FAAH2: variants seen among roughly 807,000 people sequenced by gnomAD.
FAAH2 encodes fatty-acid amide hydrolase 2.
FAAH2 carries 60 observed loss-of-function variants against 36.9 expected under a neutral mutation model. The observed-to-expected ratio is 1.63, with a 90% CI of 1.32 to 2.02. The LOEUF is 2.02. Among genes scored for constraint, FAAH2 ranks in the 30% most tolerant of loss-of-function variants. The pLI is 0.00. For missense variants in FAAH2, 689 were observed against 397.5 expected (o/e 1.73, Z -6.23); for synonymous variants, 214 against 143.8 (o/e 1.49, Z -3.49).
At chrX:57,427,370 G>A (rs1262675486) in intron 7 of FAAH2, among the ~76,000 whole-genome samples, 1 of 110,872 alleles carries the variant, frequency 9.0e-6, no homozygotes, top group African/African-American at 3.3e-5. Flanking sequence ...AATCAATATG[G>A]AAGGGATTAT....
the FAAH2 span, among the ~76,000 whole-genome samples, chrX:57,232,967 A>G: frequency 8.9e-6 from 1 of 112,444 alleles, no homozygotes; most frequent in African/African-American, 3.2e-5. Context: ...AAACAAAAAC[A>G]TCACTGAAGT....
the FAAH2 span, among the ~76,000 whole-genome samples, chrX:57,233,316 A>G: frequency 8.9e-6 from 1 of 111,812 alleles, no homozygotes; most frequent in Non-Finnish European, 1.9e-5. Flanking sequence ...AATACCCGCC[A>G]TGAGCTGCTT....
At chrX:57,364,528 A>C (rs2054365991) in intron 5 of FAAH2, among the ~76,000 whole-genome samples, 1 of 88,863 alleles carries the variant, frequency 1.1e-5, no homozygotes, top group Non-Finnish European at 2.2e-5. Context: ...GATTTTGTTG[A>C]TCTTTTGTAT....
intron 10 of FAAH2, among the ~76,000 whole-genome samples, chrX:57,472,546 A>T: frequency 8.9e-6 from 1 of 111,741 alleles, no homozygotes; most frequent in Non-Finnish European, 1.9e-5. Context: ...CCTCAGTAGG[A>T]TGACACCAGA....
intron 10 of FAAH2, among the ~76,000 whole-genome samples, chrX:57,463,913 A>G (rs745640525): frequency 4.5e-5 from 5 of 112,116 alleles, no homozygotes; most frequent in African/African-American, 1.6e-4. Context: ...GAATATACCC[A>G]AAGGATTACA....
At chrX:57,155,271 G>A in the FAAH2 span, among the ~76,000 whole-genome samples, 1 of 111,632 alleles carries the variant, frequency 9.0e-6, no homozygotes, top group Non-Finnish European at 1.9e-5. Flanking sequence ...GGTGGGTAGG[G>A]AAGGACCATC....
At chrX:57,303,490 G>C (rs1037257903) in intron 2 of FAAH2, among the ~76,000 whole-genome samples, 5 of 112,133 alleles carry the variant, frequency 4.5e-5, no homozygotes, top group African/African-American at 1.3e-4. Context: ...GATAGTGATA[G>C]CCACCATTTA....
At chrX:57,200,410 C>T in the FAAH2 span, among the ~76,000 whole-genome samples, 1 of 100,534 alleles carries the variant, frequency 9.9e-6, no homozygotes, top group Non-Finnish European at 2.0e-5. Context: ...GACAGAATCT[C>T]GTTCTGTCAC....
intron 7 of FAAH2, among the ~76,000 whole-genome samples, chrX:57,407,144 C>G (rs1204665375): frequency 2.7e-5 from 3 of 112,207 alleles, no homozygotes; most frequent in African/African-American, 9.7e-5. Context: ...TCCTGCAGTT[C>G]CCTAAGGATC....
At chrX:57,382,066 T>A (rs761025139) in intron 7 of FAAH2, among the ~76,000 whole-genome samples, 3 of 111,675 alleles carry the variant, frequency 2.7e-5, no homozygotes, top group Non-Finnish European at 5.6e-5. Flanking sequence ...AACCTGCTCC[T>A]GAATCACTAC....
intron 2 of FAAH2, among the ~76,000 whole-genome samples, chrX:57,299,796 T>C (rs1254349907): frequency 8.9e-6 from 1 of 111,767 alleles, no homozygotes; most frequent in Non-Finnish European, 1.9e-5. Context: ...ATCACAAGCA[T>C]TCTTATACAC....
At chrX:57,181,452 C>T in the FAAH2 span, among the ~76,000 whole-genome samples, 1 of 110,759 alleles carries the variant, frequency 9.0e-6, no homozygotes, top group African/African-American at 3.3e-5. Context: ...AACAGCCAAG[C>T]CAAGAACCAA....
chrX:57,194,876 G>T, the FAAH2 span, among the ~76,000 whole-genome samples: 1 of 111,360 alleles, frequency 9.0e-6, no homozygotes, highest in Non-Finnish European at 1.9e-5. Context: ...TAGAATAATA[G>T]TCTCCAGCTC....
At chrX:57,313,853 A>G (rs1363294217) in intron 3 of FAAH2, among the ~76,000 whole-genome samples, 1 of 111,535 alleles carries the variant, frequency 9.0e-6, no homozygotes, top group African/African-American at 3.3e-5. Flanking sequence ...AGTCAAGTCT[A>G]TATAACAAAC....
the FAAH2 span, among the ~76,000 whole-genome samples, chrX:57,267,829 G>C: frequency 9.0e-6 from 1 of 111,299 alleles, no homozygotes; most frequent in Non-Finnish European, 1.9e-5. Context: ...TATCAAATAG[G>C]ATAAAAGAAA....
Position 57,315,994 on chromosome X carries a change from A to G in FAAH2, c.412+5265A>G, listed in dbSNP as rs141986022. ...CTGTTGATGATATGATCTTATGCTT[A>G]GAAAATCCTAAAGACTCCATCAAAA... On this transcript the variant is annotated intron_variant, in intron 3 of 10. Transcript: ENST00000374900. Among the ~76,000 whole-genome samples the G allele has an allele frequency of 4.2e-3, 472 of 112,004 alleles. 2 individuals carry two copies. The highest frequency in any genetic ancestry group is 9.2e-3 in the Middle Eastern group (2 of 217).
intron 8 of FAAH2, 110 bp downstream of exon 8, chrX:57,432,147 T>G: frequency 1.6e-6 from 1 of 636,411 alleles, no homozygotes; most frequent in Non-Finnish European, 2.3e-6. Flanking sequence ...ATGAAAAAAA[T>G]AAGTAAAATA....
In FAAH2 at chrX:57,410,123, A is replaced by G. The variant is rs184694871; in HGVS notation, c.997-21795A>G. Among the ~76,000 whole-genome samples, 58 of 107,689 alleles carry G rather than the reference A, an allele frequency of 5.4e-4. No individual in the cohort carries two copies. The East Asian group carries it at 8.6e-3, about 16-fold the overall frequency. 93.5% of individuals were successfully genotyped at this position (107,689 alleles called of 115,157 possible). A position where few individuals can be genotyped will look rare whatever the true frequency, so the allele number is the denominator to read the frequency against. ...TTTTTTAATTTCCTTTTATTAGTTG[A>G]CCCATTTTTTTTCAGAAGGATATTT... On this transcript the variant is annotated intron_variant, in intron 7 of 10. Coordinates refer to ENST00000374900, the MANE Select transcript of FAAH2 (RefSeq NM_174912.4).
chrX:57,261,552 CAAAAAAAAAAA>C, the FAAH2 span, among the ~76,000 whole-genome samples: 5 of 23,386 alleles, frequency 2.1e-4, no homozygotes, highest in African/African-American at 5.7e-4. Context: ...GACTCTGTCT[CAAAAAAAAAAA>C]AAAAAAAAAA....
Sources: allele counts gnomAD v4.1 joint callset (sites outside exome capture counted in the v4.1 genomes callset), GRCh38; gene constraint gnomAD v4.1.1; transcripts MANE v1.5; gene names NCBI Gene and HGNC (gene_info 2026-07-23, HGNC 2026-07-21).